The following ERC2 variants were observed in gnomAD, a reference collection of about 807,000 sequenced individuals.
ERC2 encodes the protein ELKS/RAB6-interacting/CAST family member 2, also known as ERC protein 2.
ERC2 carries 42 observed loss-of-function variants against 114.8 expected under a neutral mutation model. That is an observed-to-expected ratio of 0.37 (90% CI 0.29 to 0.47). The LOEUF (loss-of-function observed/expected upper bound fraction) is 0.47. Among genes scored for constraint, ERC2 ranks in the 20% least tolerant of loss-of-function variants. The pLI, the probability that ERC2 is intolerant of heterozygous loss-of-function variation, is 0.99. For missense variants in ERC2, 939 were observed against 1,150.7 expected (o/e 0.82, Z 2.66); for synonymous variants, 454 against 425.5 (o/e 1.07, Z -0.82).
intron 12 of ERC2, among the ~76,000 whole-genome samples, chr3:55,969,838 C>T (rs1365724687): frequency 6.6e-6 from 1 of 152,162 alleles, no homozygotes. Context: ...ATGGTAATCA[C>T]AGCTCTCTGG....
At chr3:55,911,620 A>G (rs542190315) in intron 13 of ERC2, among the ~76,000 whole-genome samples, 1 of 152,314 alleles carries the variant, frequency 6.6e-6, no homozygotes, top group South Asian at 2.1e-4. Context: ...GAGGACCACC[A>G]ATTTGCATTC....
intron 15 of ERC2, among the ~76,000 whole-genome samples, chr3:55,732,675 A>ACTT (rs1443847910): frequency 1.6e-4 from 24 of 152,352 alleles, no homozygotes; most frequent in Admixed American, 1.0e-3. Flanking sequence ...CAAAGTATCT[A>ACTT]AGAGAAAGAA....
At chr3:55,533,515 C>T (rs1201137304) in intron 17 of ERC2, among the ~76,000 whole-genome samples, 3 of 152,168 alleles carry the variant, frequency 2.0e-5, no homozygotes, top group Non-Finnish European at 4.4e-5. Flanking sequence ...ATCATAGTTC[C>T]ATCCAAACCC....
intron 16 of ERC2, among the ~76,000 whole-genome samples, chr3:55,688,942 T>C (rs1391246871): frequency 6.6e-6 from 1 of 152,222 alleles, no homozygotes; most frequent in Non-Finnish European, 1.5e-5. Context: ...TCTTCCCCTC[T>C]TCTATCGCAC....
chr3:55,772,377 C>T (rs921536735), intron 14 of ERC2, among the ~76,000 whole-genome samples: 7 of 150,154 alleles, frequency 4.7e-5, no homozygotes, highest in African/African-American at 9.8e-5. Flanking sequence ...TGCAGTGGCG[C>T]GATCTCGGCT....
chr3:55,917,017 A>G (rs2065139092), intron 13 of ERC2, among the ~76,000 whole-genome samples: 2 of 152,164 alleles, frequency 1.3e-5, no homozygotes, highest in Admixed American at 6.5e-5. Flanking sequence ...TAATTATTCC[A>G]TTATTATAAA....
chr3:56,166,208 A>C (rs974145461), intron 4 of ERC2, among the ~76,000 whole-genome samples: 1 of 152,052 alleles, frequency 6.6e-6, no homozygotes, highest in Admixed American at 6.6e-5. Flanking sequence ...GCCAAATATC[A>C]GTCCAACTTT....
chr3:55,579,501 T>C (rs1209516516), intron 17 of ERC2, among the ~76,000 whole-genome samples: 1 of 152,236 alleles, frequency 6.6e-6, no homozygotes, highest in Non-Finnish European at 1.5e-5. Flanking sequence ...TAATGAGGTT[T>C]TGCTGCACAT....
At chr3:55,724,708 G>T (rs564730023) in intron 15 of ERC2, among the ~76,000 whole-genome samples, 147 of 152,226 alleles carry the variant, frequency 9.7e-4, no homozygotes, top group Middle Eastern at 3.4e-3. Context: ...GAAAAGCAAG[G>T]TCTCTGCACA....
chr3:56,024,191 G>GA (rs2149602816), intron 7 of ERC2, among the ~76,000 whole-genome samples: 1 of 152,308 alleles, frequency 6.6e-6, no homozygotes, highest in Non-Finnish European at 1.5e-5. Context: ...AAAACTGCCA[G>GA]AAAGGCTAGA....
chr3:56,115,383 G>A (rs1220590596), intron 6 of ERC2, among the ~76,000 whole-genome samples: 1 of 152,110 alleles, frequency 6.6e-6, no homozygotes, highest in Non-Finnish European at 1.5e-5. Flanking sequence ...GAGACTTGGG[G>A]AGGGCTAACC....
intron 15 of ERC2, among the ~76,000 whole-genome samples, chr3:55,710,571 G>C (rs2063728260): frequency 6.6e-6 from 1 of 152,098 alleles, no homozygotes. Flanking sequence ...CCTATTTAAG[G>C]TGGAATCCAA....
intron 14 of ERC2, among the ~76,000 whole-genome samples, chr3:55,864,474 G>A (rs1031819893): frequency 9.9e-5 from 15 of 151,974 alleles, no homozygotes. Flanking sequence ...ATGAGTGGCT[G>A]CTAATTGCAA....
At chr3:56,149,874 A>T (rs964125151) in intron 4 of ERC2, among the ~76,000 whole-genome samples, 1 of 152,196 alleles carries the variant, frequency 6.6e-6, no homozygotes, top group Non-Finnish European at 1.5e-5. Context: ...TTGGGAAAAA[A>T]TTACCAATGA....
At chr3:55,951,682 A>AT (rs1301261701) in intron 12 of ERC2, among the ~76,000 whole-genome samples, 1 of 152,076 alleles carries the variant, frequency 6.6e-6, no homozygotes, top group Non-Finnish European at 1.5e-5. Context: ...CAGCAGAATC[A>AT]TTTGGGGTCC....
At chr3:56,336,268 C>T (rs995835065) in intron 2 of ERC2, among the ~76,000 whole-genome samples, 8 of 152,088 alleles carry the variant, frequency 5.3e-5, no homozygotes, top group Non-Finnish European at 1.2e-4. Context: ...TTTCTATGCA[C>T]GGGATTATTA....
intron 1 of ERC2, among the ~76,000 whole-genome samples, chr3:56,459,332 T>C (rs2063206198): frequency 6.6e-6 from 1 of 152,244 alleles, no homozygotes; most frequent in South Asian, 2.1e-4. Flanking sequence ...AACAGTCACA[T>C]TGCTCAATTC....
intron 2 of ERC2, among the ~76,000 whole-genome samples, chr3:56,421,098 A>T (rs925563312): frequency 6.6e-6 from 1 of 152,138 alleles, no homozygotes; most frequent in Non-Finnish European, 1.5e-5. Context: ...GTAGGTAGGG[A>T]GTGAAGAGGT....
intron 7 of ERC2, among the ~76,000 whole-genome samples, chr3:56,024,257 G>A (rs547141548): frequency 1.3e-5 from 2 of 152,340 alleles, no homozygotes; most frequent in East Asian, 1.9e-4. Context: ...GATGCAAGTG[G>A]TCTAGTGCAA....
Sources: allele counts gnomAD v4.1 joint callset (sites outside exome capture counted in the v4.1 genomes callset), GRCh38; gene constraint gnomAD v4.1.1; transcripts MANE v1.5; gene names NCBI Gene and HGNC (gene_info 2026-07-23, HGNC 2026-07-21).